The following DACH1 variants were observed in gnomAD, a reference collection of about 807,000 sequenced individuals.
DACH1 encodes dachshund homolog 1.
In DACH1, 12 loss-of-function variants were observed where a neutral mutation model predicts 54.2. That is an observed-to-expected ratio of 0.22 (90% CI 0.14 to 0.36). The LOEUF is 0.36. Among genes scored for constraint, DACH1 ranks in the 10% least tolerant of loss-of-function variants. DACH1 has a pLI of 1.00. For missense variants in DACH1, 805 were observed against 929.8 expected (o/e 0.87, Z 1.75); for synonymous variants, 386 against 366.2 (o/e 1.05, Z -0.62).
intron 6 of DACH1, among the ~76,000 whole-genome samples, chr13:71,540,829 T>C (rs185157547): frequency 7.9e-5 from 12 of 152,104 alleles, no homozygotes; most frequent in African/African-American, 2.9e-4. Flanking sequence ...TTCTATAATA[T>C]TGCCTAAATT....
intron 6 of DACH1, among the ~76,000 whole-genome samples, chr13:71,540,633 T>C (rs1418325071): frequency 6.6e-6 from 1 of 152,126 alleles, no homozygotes; most frequent in East Asian, 1.9e-4. Flanking sequence ...AGATTTTTTA[T>C]GGAGCTTTCA....
chr13:71,824,831 C>T (rs943883823), intron 1 of DACH1, among the ~76,000 whole-genome samples: 2 of 151,914 alleles, frequency 1.3e-5, no homozygotes, highest in Non-Finnish European at 2.9e-5. Context: ...GAAGCTCTGT[C>T]CAAACACAAT....
chr13:71,809,912 GA>G (rs1887647128), intron 1 of DACH1, among the ~76,000 whole-genome samples: 1 of 152,122 alleles, frequency 6.6e-6, no homozygotes, highest in Non-Finnish European at 1.5e-5. Flanking sequence ...GAGTCCTCAA[GA>G]AAAAGAGATT....
intron 10 of DACH1, among the ~76,000 whole-genome samples, chr13:71,467,630 C>T: frequency 6.7e-6 from 1 of 148,352 alleles, no homozygotes; most frequent in East Asian, 1.9e-4. Flanking sequence ...AACTGATTGT[C>T]TAGTTAAATG....
At chr13:71,620,847 T>C (rs564703594) in intron 3 of DACH1, among the ~76,000 whole-genome samples, 37 of 152,064 alleles carry the variant, frequency 2.4e-4, no homozygotes, top group South Asian at 2.1e-3. Flanking sequence ...TCTATACTGA[T>C]GTAGAAGTAA....
At chr13:71,543,419 C>T (rs1340297350) in intron 6 of DACH1, among the ~76,000 whole-genome samples, 1 of 151,938 alleles carries the variant, frequency 6.6e-6, no homozygotes, top group African/African-American at 2.4e-5. Context: ...ATAAACTCTA[C>T]AAGAACAAAT....
intron 1 of DACH1, among the ~76,000 whole-genome samples, chr13:71,758,358 A>C (rs1885254876): frequency 6.6e-6 from 1 of 152,224 alleles, no homozygotes; most frequent in Non-Finnish European, 1.5e-5. Flanking sequence ...CCTGGAAAAC[A>C]CCTCTGTAGG....
intron 3 of DACH1, among the ~76,000 whole-genome samples, chr13:71,594,320 C>T (rs1873938596): frequency 6.6e-6 from 1 of 151,874 alleles, no homozygotes; most frequent in Non-Finnish European, 1.5e-5. Flanking sequence ...ATTTAATTTA[C>T]AAAATAATCA....
intron 1 of DACH1, among the ~76,000 whole-genome samples, chr13:71,824,485 A>G (rs1252043456): frequency 1.3e-5 from 2 of 152,030 alleles, no homozygotes; most frequent in Non-Finnish European, 2.9e-5. Context: ...AGTAATATGC[A>G]TGAGTAATAA....
At chr13:71,796,850 G>T (rs745920159) in intron 1 of DACH1, among the ~76,000 whole-genome samples, 2 of 151,930 alleles carry the variant, frequency 1.3e-5, no homozygotes, top group Non-Finnish European at 2.9e-5. Flanking sequence ...GGACATCTAC[G>T]GACACTTAGG....
rs1336430972 is a variant in DACH1, at chr13:71,657,447, C to T, written c.964+24348G>A. ...GTCAGGAGGTTGAGGCCACACTGAGCCAGTGATCACACCACTGCACTCCAG... is the reference window on the plus strand; with the variant it reads ...GTCAGGAGGTTGAGGCCACACTGAGTCAGTGATCACACCACTGCACTCCAG... On this transcript the variant is annotated intron_variant, in intron 2 of 10. Transcript: ENST00000613252. Among the ~76,000 whole-genome samples, 7 of 151,974 alleles carry T rather than the reference C, an allele frequency of 4.6e-5. 1 individual carries two copies. The South Asian group carries it at 1.5e-3, about 32-fold the overall frequency.
At chr13:71,539,403 G>A (rs545006432) in intron 6 of DACH1, among the ~76,000 whole-genome samples, 21 of 152,002 alleles carry the variant, frequency 1.4e-4, no homozygotes, top group African/African-American at 5.1e-4. Context: ...TCTTTCCTTC[G>A]AAAGACTTTC....
At chr13:71,689,126 C>A (rs889859147) in intron 1 of DACH1, among the ~76,000 whole-genome samples, 1 of 152,158 alleles carries the variant, frequency 6.6e-6, no homozygotes, top group African/African-American at 2.4e-5. Context: ...GTATGATTTA[C>A]ATTTGAATTA....
chr13:71,511,400 A>T (rs1355481152), intron 6 of DACH1, among the ~76,000 whole-genome samples: 5 of 151,992 alleles, frequency 3.3e-5, no homozygotes, highest in Non-Finnish European at 7.4e-5. Flanking sequence ...TAGTGATATT[A>T]AACAAACGAG....
intron 3 of DACH1, among the ~76,000 whole-genome samples, chr13:71,598,005 G>C (rs1874225123): frequency 6.6e-6 from 1 of 151,352 alleles, no homozygotes; most frequent in South Asian, 2.1e-4. Context: ...GCTTGAGCCT[G>C]GGAGGCAGAG....
chr13:71,558,179 G>A (rs1489711783), intron 5 of DACH1, among the ~76,000 whole-genome samples: 3 of 151,996 alleles, frequency 2.0e-5, no homozygotes, highest in Admixed American at 2.0e-4. Flanking sequence ...GAAGCACTAG[G>A]TGACATTATG....
rs755390976 is a variant in DACH1 at position 71,866,870 on chromosome 13, G to C, written c.-101C>G. On this transcript the variant is annotated 5_prime_UTR_variant, in exon 1 of 11. Transcript: ENST00000613252. ...AAAAAAGGGGGGAGAAGGAGCGAGG[G>C]GGGCAACAACAACTCCGGGAGAGAA... is the stretch of plus-strand genomic sequence containing the variant. 1.2e-6 allele frequency: 1 copy of C among 861,574 alleles called. No individual in the cohort carries two copies. The highest frequency in any genetic ancestry group is 5.6e-5 in the South Asian group (1 of 17,918). 53.4% of individuals were successfully genotyped at this position (861,574 alleles called of 1,614,324 possible). A position where few individuals can be genotyped will look rare whatever the true frequency, so the allele number is the denominator to read the frequency against.
At position 71,513,690 on chromosome 13, in the gene DACH1, A is replaced by T. The variant is rs1198284717; in HGVS notation, c.1571-24542T>A. Among the ~76,000 whole-genome samples the T allele has an allele frequency of 2.6e-5, 4 of 152,078 alleles. 1 individual carries two copies. The highest frequency in any genetic ancestry group is 2.6e-4 in the Admixed American group (4 of 15,246). ...GACATTGCTTGAAAGCATCATATTA[A>T]ATCTAAACAATTGATCCATTTTCAA... On this transcript the variant is annotated intron_variant, in intron 6 of 10. Transcript: ENST00000613252.
chr13:71,580,615 A>G (rs1872766885), intron 3 of DACH1, among the ~76,000 whole-genome samples: 1 of 152,242 alleles, frequency 6.6e-6, no homozygotes. Flanking sequence ...TGAATTTTCC[A>G]AAAAGCATAA....
Sources: allele counts gnomAD v4.1 joint callset (sites outside exome capture counted in the v4.1 genomes callset), GRCh38; gene constraint gnomAD v4.1.1; transcripts MANE v1.5; gene names NCBI Gene and HGNC (gene_info 2026-07-23, HGNC 2026-07-21).